Variants in CTNNA3 observed in about 807,000 individuals in gnomAD.
CTNNA3 encodes catenin alpha-3.
CTNNA3 carries 76 observed loss-of-function variants against 95.7 expected under a neutral mutation model. That is an observed-to-expected ratio of 0.79 (90% CI 0.66 to 0.96). CTNNA3 has a LOEUF of 0.96. CTNNA3 is among the 40% of genes least tolerant of loss of function. The pLI is 0.00. For missense variants in CTNNA3, 1,191 were observed against 1,089.8 expected, an observed-to-expected ratio of 1.09 and a Z score of -1.31; for synonymous variants, 431 against 374.4, an observed-to-expected ratio of 1.15 and a Z score of -1.74.
At chr10:66,478,778 GC>G (rs1286123487) in intron 11 of CTNNA3, among the ~76,000 whole-genome samples, 2 of 151,446 alleles carry the variant, frequency 1.3e-5, no homozygotes, top group Non-Finnish European at 3.0e-5. Context: ...ACATCCACTG[GC>G]CCATCTACTG....
At chr10:66,149,146 G>A (rs888644497) in intron 13 of CTNNA3, among the ~76,000 whole-genome samples, 9 of 147,554 alleles carry the variant, frequency 6.1e-5, no homozygotes, top group African/African-American at 1.5e-4. Flanking sequence ...TATATCTAAC[G>A]CATATATATG....
At chr10:66,679,007 C>T (rs911330522) in intron 9 of CTNNA3, among the ~76,000 whole-genome samples, 1 of 152,090 alleles carries the variant, frequency 6.6e-6, no homozygotes, top group African/African-American at 2.4e-5. Flanking sequence ...CCTGAGCACA[C>T]TGGTGACTCA....
chr10:66,572,650 A>C (rs1434365036), intron 10 of CTNNA3, among the ~76,000 whole-genome samples: 1 of 152,110 alleles, frequency 6.6e-6, no homozygotes, highest in African/African-American at 2.4e-5. Context: ...GGGGAGGAAA[A>C]AAGATAAAGA....
At chr10:67,498,998 T>C (rs1839137764) in intron 5 of CTNNA3, among the ~76,000 whole-genome samples, 1 of 152,236 alleles carries the variant, frequency 6.6e-6, no homozygotes. Context: ...AGAGAGGGCA[T>C]CCTTGTCTTG....
chr10:66,103,688 T>C (rs181110733), intron 13 of CTNNA3, among the ~76,000 whole-genome samples: 3 of 151,646 alleles, frequency 2.0e-5, no homozygotes, highest in Non-Finnish European at 4.4e-5. Flanking sequence ...TCTATAGCAA[T>C]AGAGATTTAA....
intron 3 of CTNNA3, among the ~76,000 whole-genome samples, chr10:67,548,187 G>A (rs546869187): frequency 2.4e-4 from 36 of 152,206 alleles, no homozygotes; most frequent in African/African-American, 8.4e-4. Context: ...CTGGGACCTC[G>A]CACTCCTCTT....
At chr10:66,751,387 GT>G (rs972037529) in intron 9 of CTNNA3, among the ~76,000 whole-genome samples, 1 of 152,184 alleles carries the variant, frequency 6.6e-6, no homozygotes, top group Non-Finnish European at 1.5e-5. Flanking sequence ...TCCAGAAAGA[GT>G]TTTTTAGTCA....
At chr10:66,316,475 G>A (rs4447054) in intron 12 of CTNNA3, among the ~76,000 whole-genome samples, 64,962 of 151,656 alleles carry the variant, frequency 0.43, 14,670 homozygotes, top group Non-Finnish European at 0.5. Context: ...GCCTATCCCC[G>A]AAACTCAGTG....
intron 3 of CTNNA3, among the ~76,000 whole-genome samples, chr10:67,591,989 G>A (rs908763808): frequency 9.2e-5 from 14 of 152,004 alleles, no homozygotes; most frequent in African/African-American, 2.9e-4. Context: ...CCTGAAAATC[G>A]AACTGCCAGT....
intron 5 of CTNNA3, among the ~76,000 whole-genome samples, chr10:67,311,473 T>C (rs1053638325): frequency 6.6e-6 from 1 of 152,200 alleles, no homozygotes. Context: ...TGGCTGGGGA[T>C]TGAGAAGGGA....
intron 7 of CTNNA3, among the ~76,000 whole-genome samples, chr10:67,078,137 A>AAC (rs1474422104): frequency 1.3e-5 from 2 of 152,198 alleles, no homozygotes; most frequent in Non-Finnish European, 2.9e-5. Context: ...AATAACCTCT[A>AAC]ACAAAGGTAT....
chr10:67,715,606 T>A (rs1841138019), intron 1 of CTNNA3, among the ~76,000 whole-genome samples: 1 of 152,166 alleles, frequency 6.6e-6, no homozygotes, highest in African/African-American at 2.4e-5. Flanking sequence ...TACGGTGTGA[T>A]GATTCCCTAT....
Position 67,301,986 on chromosome 10 carries a change from A to AGAAAGAACGAAAGAACGAAAGAAC in CTNNA3, c.580-82117_580-82116insGTTCTTTCGTTCTTTCGTTCTTTC, listed in dbSNP as rs1377628891. On this transcript the variant is annotated intron_variant, in intron 5 of 17. Transcript: ENST00000433211. ...TCGTCAAGAAAGAAAAAAGAAAGAA[A>AGAAAGAACGAAAGAACGAAAGAAC]GAAAGAACGAAAGAACGAAAGAAAG... is the stretch of plus-strand genomic sequence containing the variant. Among the ~76,000 whole-genome samples, 9 of 86,932 alleles carry AGAAAGAACGAAAGAACGAAAGAAC rather than the reference A, an allele frequency of 1.0e-4. 2 individuals carry two copies. Among genetic ancestry groups the AGAAAGAACGAAAGAACGAAAGAAC allele is most frequent in the African/African-American group, 7.7e-4 (8 of 10,342 alleles). 57.0% of individuals were successfully genotyped at this position (86,932 alleles called of 152,430 possible).
At chr10:67,322,087 A>G (rs1589164264) in intron 5 of CTNNA3, among the ~76,000 whole-genome samples, 1 of 150,210 alleles carries the variant, frequency 6.7e-6, no homozygotes. Flanking sequence ...GGGTTTCAGC[A>G]TGGGGAGAAA....
intron 7 of CTNNA3, among the ~76,000 whole-genome samples, chr10:67,168,879 A>T (rs187254218): frequency 6.6e-6 from 1 of 152,210 alleles, no homozygotes; most frequent in Admixed American, 6.5e-5. Flanking sequence ...TATGTAGAAA[A>T]CCCCATACCC....
chr10:67,610,189 C>A (rs554947506), intron 2 of CTNNA3, among the ~76,000 whole-genome samples: 1 of 152,310 alleles, frequency 6.6e-6, no homozygotes, highest in Non-Finnish European at 1.5e-5. Context: ...TCAGATCCTC[C>A]ATGCGCCAAA....
chr10:67,506,971 C>T (rs1285621074), intron 5 of CTNNA3, among the ~76,000 whole-genome samples: 1 of 152,126 alleles, frequency 6.6e-6, no homozygotes, highest in Non-Finnish European at 1.5e-5. Context: ...CTCCCTGTAC[C>T]TTAGTCTCAG....
intron 17 of CTNNA3, among the ~76,000 whole-genome samples, chr10:65,956,412 A>AT (rs1243502814): frequency 3.3e-5 from 5 of 151,944 alleles, no homozygotes; most frequent in Non-Finnish European, 7.4e-5. Context: ...GATCTTAGTT[A>AT]TTCTTGCCTT....
intron 13 of CTNNA3, among the ~76,000 whole-genome samples, chr10:66,246,618 A>G (rs1208774959): frequency 6.6e-6 from 1 of 152,130 alleles, no homozygotes; most frequent in East Asian, 1.9e-4. Flanking sequence ...ATAGAGAAGG[A>G]ATCCAGAATT....
Sources: allele counts gnomAD v4.1 joint callset (sites outside exome capture counted in the v4.1 genomes callset), GRCh38; gene constraint gnomAD v4.1.1; transcripts MANE v1.5; gene names NCBI Gene and HGNC (gene_info 2026-07-23, HGNC 2026-07-21).